Variants in XPR1 observed in about 807,000 individuals in gnomAD.
XPR1 encodes solute carrier family 53 member 1.
Under a neutral mutation model 87.5 loss-of-function variants are expected in XPR1, and 28 were observed. The ratio of observed to expected loss-of-function variants is 0.32; its 90% CI spans 0.24 to 0.44. XPR1 has a LOEUF of 0.44. XPR1 is among the 20% of genes least tolerant of loss of function. The pLI is 1.00. For missense variants in XPR1, 559 were observed against 862.3 expected (o/e 0.65, Z 4.41); for synonymous variants, 300 against 306.1 (o/e 0.98, Z 0.21).
At chr1:180,817,654 C>T (rs1185122276) in intron 7 of XPR1, among the ~76,000 whole-genome samples, 1 of 150,960 alleles carries the variant, frequency 6.6e-6, no homozygotes, top group Non-Finnish European at 1.5e-5. Flanking sequence ...CAAACTGTAG[C>T]TACATACAAG....
At chr1:180,806,274 A>G (rs1197843924) in intron 5 of XPR1, 63 bp downstream of exon 5, 5 of 1,581,864 alleles carry the variant, frequency 3.2e-6, no homozygotes, top group Non-Finnish European at 4.3e-6. Flanking sequence ...TAGGGAAGCA[A>G]TTCCTTATTT....
rs1173167147 is a variant in XPR1 at position 180,880,251 on chromosome 1, A to G, written c.1984A>G (p.Lys662Glu). The G allele has an allele frequency of 1.9e-6, 3 of 1,614,184 alleles. No homozygotes were observed. The Admixed American group carries it at 5.0e-5, about 27-fold the overall frequency. Residue 662 changes from lysine (K) to glutamate (E), a missense_variant, in exon 14 of 15, where the codon AAG becomes GAG. Lys to Glu is a moderately conservative substitution (Grantham distance 56). Around this residue, in one of 7 missense-constraint regions of XPR1, gnomAD observed 80 missense variants for 99.5 expected, o/e 0.80. Coordinates refer to ENST00000367590, the MANE Select transcript of XPR1 (RefSeq NM_004736.4). ...VRNRQKNRSW[K>E]YNQSISLRRP... ...AAACCGCCAGAAGAATCGGTCATGGAAGTACAACCAGAGCATATCCCTGCG... is the reference window on the plus strand; with the variant it reads ...AAACCGCCAGAAGAATCGGTCATGGGAGTACAACCAGAGCATATCCCTGCG...
intron 11 of XPR1, among the ~76,000 whole-genome samples, chr1:180,844,439 G>A (rs946081332): frequency 6.6e-6 from 1 of 152,144 alleles, no homozygotes; most frequent in Non-Finnish European, 1.5e-5. Flanking sequence ...AAATGAGCAG[G>A]CAAATGTACT....
intron 2 of XPR1, among the ~76,000 whole-genome samples, chr1:180,765,174 G>T (rs1041733242): frequency 6.6e-6 from 1 of 152,198 alleles, no homozygotes; most frequent in Admixed American, 6.5e-5. Flanking sequence ...TATGGATGAG[G>T]TAAGTGCAGA....
At chr1:180,676,725 A>G (rs1656380299) in intron 1 of XPR1, among the ~76,000 whole-genome samples, 1 of 152,234 alleles carries the variant, frequency 6.6e-6, no homozygotes, top group Non-Finnish European at 1.5e-5. Flanking sequence ...TACTGAGTAT[A>G]TATACATTTT....
intron 2 of XPR1, among the ~76,000 whole-genome samples, chr1:180,719,286 G>T (rs1040655078): frequency 6.6e-6 from 1 of 152,082 alleles, no homozygotes; most frequent in Non-Finnish European, 1.5e-5. Flanking sequence ...AGTCCAATAT[G>T]ATTAAATAAA....
At chr1:180,798,908 C>T (rs565602399) in intron 3 of XPR1, among the ~76,000 whole-genome samples, 1 of 152,258 alleles carries the variant, frequency 6.6e-6, no homozygotes, top group African/African-American at 2.4e-5. Context: ...GCCACCATGC[C>T]CGGCCTGTTG....
At chr1:180,855,037 C>G (rs957116790) in intron 11 of XPR1, among the ~76,000 whole-genome samples, 5 of 152,142 alleles carry the variant, frequency 3.3e-5, no homozygotes, top group East Asian at 3.8e-4. Flanking sequence ...ATTAATTAAG[C>G]CCCTACTATG....
chr1:180,800,998 T>G (rs544041025), intron 3 of XPR1, among the ~76,000 whole-genome samples: 10 of 152,318 alleles, frequency 6.6e-5, no homozygotes, highest in Admixed American at 6.5e-4. Context: ...TTCTAGTAGG[T>G]TGCCCATTTC....
chr1:180,776,731 ATTG>A (rs1022647030), intron 2 of XPR1, among the ~76,000 whole-genome samples: 6 of 152,156 alleles, frequency 3.9e-5, no homozygotes, highest in Middle Eastern at 3.4e-3. Flanking sequence ...TATTTCATTT[ATTG>A]TTGTTCTTTA....
At chr1:180,733,308 A>G (rs1407496352) in intron 2 of XPR1, among the ~76,000 whole-genome samples, 2 of 152,104 alleles carry the variant, frequency 1.3e-5, no homozygotes, top group Admixed American at 1.3e-4. Context: ...TCTACCCAGC[A>G]CTTCCCTTCC....
intron 7 of XPR1, among the ~76,000 whole-genome samples, chr1:180,821,781 C>A (rs1342469926): frequency 2.0e-5 from 3 of 152,100 alleles, no homozygotes; most frequent in African/African-American, 7.2e-5. Context: ...ATGTTTTATT[C>A]TTTTGAATGC....
At chr1:180,635,485 G>A (rs1654730551) in intron 1 of XPR1, among the ~76,000 whole-genome samples, 1 of 152,156 alleles carries the variant, frequency 6.6e-6, no homozygotes. Context: ...GGTGCCTTAG[G>A]CTGCTGACTT....
intron 3 of XPR1, among the ~76,000 whole-genome samples, chr1:180,802,416 G>A (rs894440620): frequency 1.3e-5 from 2 of 152,184 alleles, no homozygotes; most frequent in Admixed American, 1.3e-4. Flanking sequence ...GTTTAGAGAA[G>A]TAATGAAGGG....
At chr1:180,803,323 A>C in intron 3 of XPR1, 65 bp from the exon 4 acceptor site, 1 of 1,458,584 alleles carries the variant, frequency 6.9e-7, no homozygotes, top group Non-Finnish European at 9.3e-7. Flanking sequence ...AATTATTAAA[A>C]ATTCAGAAGT....
At position 180,797,629 on chromosome 1, in the gene XPR1, A is replaced by G. The variant is rs547125046; in HGVS notation, c.224-5759A>G. Among the ~76,000 whole-genome samples the G allele has an allele frequency of 3.3e-5, 5 of 152,322 alleles. No homozygotes were observed. In the South Asian group the frequency reaches 1.0e-3, roughly 32 times the overall value. ...ATCTTTTAACAATTAAAGTTAAGCA[A>G]TTTTATTACATATGATATTCTGTTT... is the stretch of plus-strand genomic sequence containing the variant. On this transcript the variant is annotated intron_variant, in intron 3 of 14. Transcript: ENST00000367590.
At chr1:180,655,410 T>TTTTA (rs1553232816) in intron 1 of XPR1, among the ~76,000 whole-genome samples, 3 of 150,770 alleles carry the variant, frequency 2.0e-5, no homozygotes, top group Non-Finnish European at 4.4e-5. Flanking sequence ...CTTTTTTTTT[T>TTTTA]TTTTTTTTGA....
chr1:180,721,471 G>A (rs1195315663), intron 2 of XPR1, among the ~76,000 whole-genome samples: 2 of 152,184 alleles, frequency 1.3e-5, no homozygotes, highest in Non-Finnish European at 1.5e-5. Flanking sequence ...TGAGAAAAGG[G>A]AAGAAAGAAA....
intron 11 of XPR1, among the ~76,000 whole-genome samples, chr1:180,860,688 C>T (rs1571901536): frequency 6.6e-6 from 1 of 151,676 alleles, no homozygotes; most frequent in African/African-American, 2.4e-5. Context: ...GGTGGTTGTC[C>T]GTGGGGCTAC....
Sources: allele counts gnomAD v4.1 joint callset (sites outside exome capture counted in the v4.1 genomes callset), GRCh38; gene constraint gnomAD v4.1.1; regional missense constraint gnomAD v4.1.1; transcripts MANE v1.5; gene names NCBI Gene and HGNC (gene_info 2026-07-23, HGNC 2026-07-21).